HNRNPA1: variants seen among roughly 807,000 people sequenced by gnomAD.
HNRNPA1 encodes the protein epididymis secretory sperm binding protein.
A neutral mutation model predicts 44.4 loss-of-function variants in HNRNPA1; 7 were observed. The ratio of observed to expected loss-of-function variants is 0.16; its 90% CI spans 0.09 to 0.30. The LOEUF is 0.30. Ranked by LOEUF, HNRNPA1 falls within the 10% of genes least tolerant of loss-of-function variation. HNRNPA1 has a pLI of 1.00. For synonymous variants in HNRNPA1, 169 were observed against 160.6 expected (o/e 1.05, Z -0.40); for missense variants, 193 against 465.8 (o/e 0.41, Z 5.39).
At position 54,282,173 on chromosome 12, in the gene HNRNPA1, A is replaced by G. The variant is rs772709397; in HGVS notation, c.363A>G (p.Leu121=). The G allele has an allele frequency of 2.5e-6, 4 of 1,600,432 alleles. No homozygotes were observed. The highest frequency in any genetic ancestry group is 1.1e-5 in the South Asian group (1 of 90,868). ...GIKEDTEEHH[L]RDYFEQYGKI... is the part of the protein sequence containing the mutation. The stretch of plus-strand genomic sequence containing the variant: ...AAGAAGACACTGAAGAACATCACCT[A>G]AGAGATTATTTTGAACAGTATGGAA... The change falls in exon 4 of 11, where the codon CTA becomes CTG. Residue 121 remains leucine, a synonymous_variant. Transcript: ENST00000340913.
Position 54,280,770 on chromosome 12 carries a change from G to T in HNRNPA1, c.-38G>T. 3.1e-6 allele frequency: 5 copies of T among 1,613,980 alleles called. No homozygotes were observed. Among genetic ancestry groups the T allele is most frequent in the Non-Finnish European group, 3.4e-6 (4 of 1,179,862 alleles). ...CTCCTTTCTGCCCGTGGACGCCGCC[G>T]AAGAAGCATCGTTAAAGTCTCTCTT... On this transcript the variant is annotated 5_prime_UTR_variant, in exon 1 of 11. Coordinates refer to ENST00000340913, the MANE Select transcript of HNRNPA1 (RefSeq NM_031157.4).
rs189523819 is a variant in HNRNPA1, at chr12:54,285,576, A to G, written c.*1032A>G. On this transcript the variant is annotated 3_prime_UTR_variant, in exon 11 of 11. Transcript: ENST00000340913. ...TATACTAATTAATTTGGAGATTCAA[A>G]CCATACCAATAGAAACTAAATTTTT... The G allele has an allele frequency of 2.0e-3, 307 of 152,244 alleles. 1 individual carries two copies. The highest frequency in any genetic ancestry group is 7.0e-3 in the African/African-American group (292 of 41,536). The allele number at this position is 152,244 out of a possible 1,614,324, so 9.4% of individuals were successfully genotyped here.
Position 54,282,680 on chromosome 12 carries a change from T to C in HNRNPA1, c.676+15T>C. 6.2e-7 allele frequency: 1 copy of C among 1,608,240 alleles called. No individual in the cohort carries two copies. The highest frequency in any genetic ancestry group is 8.5e-7 in the Non-Finnish European group (1 of 1,174,740). ...CAGTGGTCGTGGTATGTATGGTTTATCTACATGTAGTTCTGACTTCTCACC... is the reference window on the plus strand; with the variant it reads ...CAGTGGTCGTGGTATGTATGGTTTACCTACATGTAGTTCTGACTTCTCACC... On this transcript the variant is annotated intron_variant, in intron 6 of 10. Transcript: ENST00000340913.
rs781444213 is a variant in HNRNPA1, at chr12:54,282,076, T to G, written c.280-14T>G. The G allele has an allele frequency of 6.2e-7, 1 of 1,610,840 alleles. No homozygotes were observed. The highest frequency in any genetic ancestry group is 1.3e-5 in the African/African-American group (1 of 74,962). ...GGCTTTGCTAATCTAAACCTATGGTTTTTCTCCTATTAGGATTCTCAAAGA... is the reference window on the plus strand; with the variant it reads ...GGCTTTGCTAATCTAAACCTATGGTGTTTCTCCTATTAGGATTCTCAAAGA... On this transcript the variant is annotated splice_polypyrimidine_tract_variant and intron_variant, in intron 3 of 10. Coordinates refer to ENST00000340913, the MANE Select transcript of HNRNPA1 (RefSeq NM_031157.4).
At chr12:54,280,891 G>T (rs1944147835) in intron 1 of HNRNPA1, 69 bp downstream of exon 1, 1 of 1,560,524 alleles carries the variant, frequency 6.4e-7, no homozygotes, top group Non-Finnish European at 8.8e-7. Flanking sequence ...GATGCTGCTG[G>T]GTTTCGTTCC....
At chr12:54,281,065 G>A (rs1238371534) in intron 1 of HNRNPA1, 3 of 704,800 alleles carry the variant, frequency 4.3e-6, no homozygotes, top group Non-Finnish European at 7.8e-6. Context: ...AGGCACACAG[G>A]ATCTTTGTCT....
At chr12:54,283,991 A>T (rs772727031) in intron 9 of HNRNPA1, 24 bp downstream of exon 9, 1 of 1,602,892 alleles carries the variant, frequency 6.2e-7, no homozygotes, top group Non-Finnish European at 8.5e-7. Context: ...GTAATTTTGG[A>T]TAATGTCAAA....
In HNRNPA1 at chr12:54,283,196, A is replaced by G. The variant is rs532469720; in HGVS notation, c.869A>G (p.Tyr290Cys). 33 of 1,610,366 alleles carry G rather than the reference A, an allele frequency of 2.0e-5. No homozygotes were observed. The South Asian group carries it at 2.2e-4, about 11-fold the overall frequency. Residue 290 changes from tyrosine (Y) to cysteine (C), a missense_variant, in exon 8 of 11, where the codon TAT becomes TGT. Physicochemically the swap from Tyr to Cys is radical, Grantham distance 194 (BLOSUM62 -2). Transcript: ENST00000340913. The part of the protein sequence containing the change: ...GYGGSGSYDS[Y>C]NNGGGGGFGG... The stretch of plus-strand genomic sequence containing the variant: ...GGCGGGAGTGGCAGCTATGACAGCT[A>G]TAACAACGGAGGCGGAGGCGGCTTT...
Position 54,282,381 on chromosome 12 carries a change from G to A in HNRNPA1, c.491-13G>A. The A allele has an allele frequency of 6.9e-7, 1 of 1,441,438 alleles. No homozygotes were observed. Among genetic ancestry groups the A allele is most frequent in the South Asian group, 1.2e-5 (1 of 81,792 alleles). 89.3% of individuals were successfully genotyped at this position (1,441,438 alleles called of 1,614,324 possible). On this transcript the variant is annotated splice_polypyrimidine_tract_variant and intron_variant, in intron 4 of 10. Transcript: ENST00000340913. ...AACCCTGATACCATGTTGTATCTAT[G>A]TTTTTTTTTTAGTTCAGAAATACCA...
rs372653497 is a variant in HNRNPA1 at position 54,282,536 on chromosome 12, G to A, written c.584-37G>A. 1.6e-4 allele frequency: 254 copies of A among 1,609,334 alleles called. 1 individual carries two copies. The highest frequency in any genetic ancestry group is 2.0e-4 in the Non-Finnish European group (238 of 1,175,806). The stretch of plus-strand genomic sequence containing the variant: ...TTAAAGGTAACTTTGAGTTACTCCA[G>A]TATGAATGATTTAATGCTTAAACTT... On this transcript the variant is annotated intron_variant, in intron 5 of 10. Transcript: ENST00000340913.
rs1349265535 is a variant in HNRNPA1, at chr12:54,282,410, T to C, written c.507T>C (p.Thr169=). 2.5e-6 allele frequency: 4 copies of C among 1,613,322 alleles called. No homozygotes were observed. The highest frequency in any genetic ancestry group is 1.3e-5 in the African/African-American group (1 of 74,896). The change falls in exon 5 of 11, where the codon ACT becomes ACC. Residue 169 remains threonine, a synonymous_variant. Coordinates refer to ENST00000340913, the MANE Select transcript of HNRNPA1 (RefSeq NM_031157.4). ...VDKIVIQKYH[T]VNGHNCEVRK... ...TTTTTTTAGTTCAGAAATACCATAC[T>C]GTGAATGGCCACAACTGTGAAGTTA...
chr12:54,281,599 T>TTA, intron 2 of HNRNPA1, 97 bp downstream of exon 2: 1 of 1,024,194 alleles, frequency 9.8e-7, no homozygotes, highest in Admixed American at 2.0e-5. Context: ...GTTAATAGCA[T>TTA]TATAGTTAGA....
rs944705730 is a variant in HNRNPA1 at position 54,283,647 on chromosome 12, A to T, written c.908-165A>T. ...TTTTCTTTGTATTACTGGATTATTC[A>T]ACTGAATGCCTTTCCCAGAGAATGA... is the stretch of plus-strand genomic sequence containing the variant. On this transcript the variant is annotated intron_variant, in intron 8 of 10. Transcript: ENST00000340913. The T allele has an allele frequency of 4.3e-6, 3 of 704,282 alleles. No homozygotes were observed. The Admixed American group carries it at 7.5e-5, about 18-fold the overall frequency. The allele number at this position is 704,282 out of a possible 1,614,324, so 43.6% of individuals were successfully genotyped here.
At position 54,283,381 on chromosome 12, in the gene HNRNPA1, A is replaced by G; in HGVS notation, c.907+147A>G. On this transcript the variant is annotated intron_variant, in intron 8 of 10. Transcript: ENST00000340913. ...TGCTATGCTACCTCCTCCTAGCTTT[A>G]AGCTGGGGCCGCCTCACTCCCAAAT... is the stretch of plus-strand genomic sequence containing the variant. 3 of 870,594 alleles carry G rather than the reference A, an allele frequency of 3.4e-6. No homozygotes were observed. The South Asian group carries it at 5.1e-5, about 15-fold the overall frequency. 53.9% of individuals were successfully genotyped at this position (870,594 alleles called of 1,614,324 possible). A position where few individuals can be genotyped will look rare whatever the true frequency, so the allele number is the denominator to read the frequency against.
rs1464030954 is a variant in HNRNPA1, at chr12:54,282,143, C to T, written c.333C>T (p.Gly111=). The part of the protein sequence containing the change: ...HLTVKKIFVG[G]IKEDTEEHHL... The stretch of plus-strand genomic sequence containing the variant: ...CTGTGAAAAAGATATTTGTTGGTGG[C>T]ATTAAAGAAGACACTGAAGAACATC... The change falls in exon 4 of 11, where the codon GGC becomes GGT. Residue 111 remains glycine, a synonymous_variant. Coordinates refer to ENST00000340913, the MANE Select transcript of HNRNPA1 (RefSeq NM_031157.4). 1 of 1,605,014 alleles carries T rather than the reference C, an allele frequency of 6.2e-7. No homozygotes were observed. The highest frequency in any genetic ancestry group is 1.1e-5 in the South Asian group (1 of 90,934).
At chr12:54,281,644 T>C in intron 2 of HNRNPA1, 142 bp downstream of exon 2, 6 of 1,043,058 alleles carry the variant, frequency 5.8e-6, no homozygotes, top group Non-Finnish European at 7.2e-6. Flanking sequence ...GCTTTGATTT[T>C]AAAAGCTACC....
At chr12:54,284,079 C>A in intron 9 of HNRNPA1, 112 bp downstream of exon 9, 1 of 1,376,464 alleles carries the variant, frequency 7.3e-7, no homozygotes, top group Non-Finnish European at 9.9e-7. Flanking sequence ...TAGTTTAGAA[C>A]CTTCAGAAAG....
chr12:54,282,010 G>T, intron 3 of HNRNPA1, 69 bp downstream of exon 3: 1 of 1,600,588 alleles, frequency 6.2e-7, no homozygotes, highest in Non-Finnish European at 8.5e-7. Context: ...CTTAAGATTC[G>T]GGAGTTTTCT....
Position 54,283,245 on chromosome 12 carries a change from A to C in HNRNPA1, c.907+11A>C, listed in dbSNP as rs1369810960. 6.2e-7 allele frequency: 1 copy of C among 1,610,332 alleles called. No homozygotes were observed. Among genetic ancestry groups the C allele is most frequent in the Admixed American group, 1.7e-5 (1 of 59,100 alleles). ...TTGGCGGTGGTAGTGGTAGGTATCC[A>C]GTGATCCAAGTACTTGGTGTGACAG... On this transcript the variant is annotated intron_variant, in intron 8 of 10. Coordinates refer to ENST00000340913, the MANE Select transcript of HNRNPA1 (RefSeq NM_031157.4).
Sources: allele counts gnomAD v4.1 joint callset, GRCh38; gene constraint gnomAD v4.1.1; transcripts MANE v1.5; gene names NCBI Gene and HGNC (gene_info 2026-07-23, HGNC 2026-07-21).